The following PHF19 variants were observed in gnomAD, a reference collection of about 807,000 sequenced individuals.
PHF19 encodes polycomb like 3.
In PHF19, 21 loss-of-function variants were observed where a neutral mutation model predicts 79.8. The observed-to-expected ratio is 0.26, with a 90% CI of 0.19 to 0.38. PHF19 has a LOEUF of 0.38. PHF19 is among the 10% of genes least tolerant of loss of function. PHF19 has a pLI of 1.00. For missense variants in PHF19, 445 were observed against 744.2 expected (o/e 0.60, Z 4.68); for synonymous variants, 273 against 296.3 (o/e 0.92, Z 0.81).
chr9:120,861,063 C>T (rs761666636), intron 13 of PHF19, 26 bp downstream of exon 13: 1 of 1,322,718 alleles, frequency 7.6e-7, no homozygotes, highest in Admixed American at 1.7e-5. Context: ...CAGAGCAGAC[C>T]TCTGTGCTAG....
intron 10 of PHF19, 56 bp downstream of exon 10, chr9:120,863,993 G>C (rs548979311): frequency 7.2e-7 from 1 of 1,384,980 alleles, no homozygotes; most frequent in South Asian, 1.2e-5. Flanking sequence ...TATGAGGTAG[G>C]AAGGAATCTC....
intron 3 of PHF19, among the ~76,000 whole-genome samples, chr9:120,871,744 A>T (rs559606883): frequency 1.3e-5 from 2 of 152,256 alleles, no homozygotes; most frequent in East Asian, 3.9e-4. Context: ...TAAGGGTAGA[A>T]ATGGGATCTC....
chr9:120,872,600 C>T (rs972906227), intron 3 of PHF19, among the ~76,000 whole-genome samples: 2 of 152,170 alleles, frequency 1.3e-5, no homozygotes, highest in African/African-American at 4.8e-5. Context: ...GAAAGCTTTA[C>T]TAACTGGCTG....
rs1401653919 is a variant in PHF19 at position 120,862,189 on chromosome 9, G to A, written c.1131-184C>T. Among the ~76,000 whole-genome samples, 1 of 152,162 alleles carries A rather than the reference G, an allele frequency of 6.6e-6. No individual in the cohort carries two copies. The highest frequency in any genetic ancestry group is 1.5e-5 in the Non-Finnish European group (1 of 68,016). The stretch of plus-strand genomic sequence containing the variant: ...TCCTCAGGAGCAGTAGGGGTGGGAA[G>A]GTGTGGAGAAGGTATAGTGGGCAGA... On this transcript the variant is annotated intron_variant, in intron 11 of 14. Coordinates refer to ENST00000373896, the MANE Select transcript of PHF19 (RefSeq NM_015651.3). The surrounding 1 kb of genome is among the most constrained non-coding windows in gnomAD (Gnocchi z 4.6).
In PHF19 at chr9:120,869,351, C is replaced by A; in HGVS notation, c.466-21G>T. 6.2e-7 allele frequency: 1 copy of A among 1,608,616 alleles called. No homozygotes were observed. Among genetic ancestry groups the A allele is most frequent in the Non-Finnish European group, 8.5e-7 (1 of 1,178,324 alleles). On this transcript the variant is annotated intron_variant, in intron 5 of 14. Coordinates refer to ENST00000373896, the MANE Select transcript of PHF19 (RefSeq NM_015651.3). The surrounding 1 kb of genome is among the most constrained non-coding windows in gnomAD (Gnocchi z 5.8). ...CCTTTCTGGGGGGAGACGAGGGCCC[C>A]AGTCAACCACCAGGTCCGGGTGGAC...
Position 120,860,068 on chromosome 9 carries a change from G to A in PHF19, c.1400+22C>T. ...ATGATGGTCCTTGCAAAATGTGAAG[G>A]CCAGACCTCTAGGAAGCTCACCTGG... On this transcript the variant is annotated intron_variant, in intron 14 of 14. Coordinates refer to ENST00000373896, the MANE Select transcript of PHF19 (RefSeq NM_015651.3). This position sits in a 1 kb window ranked among gnomAD's most constrained non-coding sequence, Gnocchi z 4.1. The A allele has an allele frequency of 1.5e-6, 2 of 1,321,634 alleles. No homozygotes were observed. Among genetic ancestry groups the A allele is most frequent in the South Asian group, 2.5e-5 (2 of 79,976 alleles). The allele number at this position is 1,321,634 out of a possible 1,614,324, so 81.9% of individuals were successfully genotyped here. A position where few individuals can be genotyped will look rare whatever the true frequency, so the allele number is the denominator to read the frequency against.
intron 1 of PHF19, among the ~76,000 whole-genome samples, chr9:120,884,167 C>T (rs1462654966): frequency 1.3e-5 from 2 of 152,200 alleles, no homozygotes; most frequent in Non-Finnish European, 2.9e-5. Flanking sequence ...ATTAGGTCTA[C>T]ATACTACATT....
chr9:120,876,375 C>A (rs1223957492), intron 1 of PHF19: 1 of 152,042 alleles, frequency 6.6e-6, no homozygotes, highest in Non-Finnish European at 1.5e-5. Flanking sequence ...CACTTCCTCT[C>A]CCGCTGCGCC....
chr9:120,877,243 C>CA, upstream of PHF19: 1 of 912,832 alleles, frequency 1.1e-6, no homozygotes. Context: ...GGGGCGGGGG[C>CA]GCCGCGGGGA....
chr9:120,867,750 A>C (rs545381220), intron 6 of PHF19, among the ~76,000 whole-genome samples: 1 of 152,342 alleles, frequency 6.6e-6, no homozygotes, highest in South Asian at 2.1e-4. Flanking sequence ...TGAGAGATGA[A>C]GTAGTTCAAG....
At chr9:120,887,346 T>A (rs904785111) in intron 1 of PHF19, among the ~76,000 whole-genome samples, 9 of 150,524 alleles carry the variant, frequency 6.0e-5, no homozygotes, top group Non-Finnish European at 1.3e-4. Flanking sequence ...CCCAGCTACT[T>A]GCGAGGCTGA....
At chr9:120,863,762 T>A (rs1222820036) in intron 10 of PHF19, among the ~76,000 whole-genome samples, 1 of 152,118 alleles carries the variant, frequency 6.6e-6, no homozygotes, top group Non-Finnish European at 1.5e-5. Context: ...CCTCAGTGCC[T>A]GGCCCCCAAG....
chr9:120,867,415 A>G (rs1489576464), intron 6 of PHF19, among the ~76,000 whole-genome samples: 3 of 152,226 alleles, frequency 2.0e-5, no homozygotes, highest in Non-Finnish European at 4.4e-5. Context: ...GCAAGACTAC[A>G]TCTGGCTTTT....
intron 9 of PHF19, among the ~76,000 whole-genome samples, chr9:120,865,056 ATGT>A (rs1417462451): frequency 6.6e-6 from 1 of 152,242 alleles, no homozygotes; most frequent in Non-Finnish European, 1.5e-5. Flanking sequence ...GTAAATGAAG[ATGT>A]TATTACATGA....
chr9:120,899,509 A>G (rs925300667), upstream of PHF19, among the ~76,000 whole-genome samples: 1 of 152,094 alleles, frequency 6.6e-6, no homozygotes, highest in Non-Finnish European at 1.5e-5. Flanking sequence ...AAAAAAAAAA[A>G]AAGATAAAAA....
chr9:120,888,401 C>T (rs775290676), intron 1 of PHF19, among the ~76,000 whole-genome samples: 2 of 152,186 alleles, frequency 1.3e-5, no homozygotes, highest in African/African-American at 2.4e-5. Context: ...AGCACTGAGC[C>T]GTGAACTTAT....
upstream of PHF19, among the ~76,000 whole-genome samples, chr9:120,899,152 T>C (rs928416084): frequency 1.3e-5 from 2 of 149,596 alleles, no homozygotes; most frequent in Non-Finnish European, 3.0e-5. Flanking sequence ...TGAGCCAAGA[T>C]TGGACCACTG....
At chr9:120,867,072 A>G (rs2045725677) in intron 6 of PHF19, 107 bp from the exon 7 acceptor site, 2 of 690,424 alleles carry the variant, frequency 2.9e-6, no homozygotes, top group East Asian at 2.6e-5. Flanking sequence ...CAGAAAGGGA[A>G]GAGAATTCAG....
At position 120,869,986 on chromosome 9, in the gene PHF19, C is replaced by T. The variant is rs755790346; in HGVS notation, c.365-41G>A. ...GGGCGGTGAGCGCCCACAAGGACAT[C>T]GTGGCCCAAGGCCAGTTGGCCCAAA... On this transcript the variant is annotated intron_variant, in intron 4 of 14. Transcript: ENST00000373896. The surrounding 1 kb of genome is among the most constrained non-coding windows in gnomAD (Gnocchi z 5.8). The T allele has an allele frequency of 4.6e-5, 71 of 1,544,110 alleles. No homozygotes were observed. The highest frequency in any genetic ancestry group is 7.8e-5 in the Admixed American group (4 of 50,964).
Sources: gnomAD v4.1 joint callset for allele counts (sites outside exome capture counted in the v4.1 genomes callset) on GRCh38, gnomAD v4.1.1 for gene constraint, Gnocchi (gnomAD v3.1) non-coding constraint, MANE v1.5 for transcripts, NCBI Gene and HGNC (gene_info 2026-07-23, HGNC 2026-07-21) for gene names.